Variants in SYTL5 observed in about 807,000 individuals in gnomAD.
The protein encoded by SYTL5 is synaptotagmin-like protein 5.
Under a neutral mutation model 55.9 loss-of-function variants are expected in SYTL5, and 34 were observed. The ratio of observed to expected loss-of-function variants is 0.61; its 90% CI spans 0.46 to 0.81. The LOEUF (loss-of-function observed/expected upper bound fraction) is 0.81. Ranked by LOEUF, SYTL5 falls within the 30% of genes least tolerant of loss-of-function variation. SYTL5 has a pLI of 0.00. For missense variants in SYTL5, 637 were observed against 546.7 expected, an observed-to-expected ratio of 1.17 and a Z score of -1.65; for synonymous variants, 221 against 188.7, an observed-to-expected ratio of 1.17 and a Z score of -1.40.
intron 11 of SYTL5, among the ~76,000 whole-genome samples, chrX:38,108,096 A>G (rs1255904806): frequency 9.0e-6 from 1 of 111,395 alleles, no homozygotes; most frequent in Non-Finnish European, 1.9e-5. Flanking sequence ...CATTGACCCC[A>G]CTCTCTGACA....
chrX:37,897,477 C>A, the SYTL5 span, among the ~76,000 whole-genome samples: 1 of 85,858 alleles, frequency 1.2e-5, no homozygotes, highest in African/African-American at 5.0e-5. Context: ...AGCCAGACTC[C>A]ATCTCAAAAA....
At chrX:38,005,646 G>C (rs1933969583), upstream of SYTL5, among the ~76,000 whole-genome samples, 1 of 110,835 alleles carries the variant, frequency 9.0e-6, no homozygotes, top group Admixed American at 9.7e-5. Flanking sequence ...TGAGCTTGAA[G>C]ACAGATCAAA....
the SYTL5 span, among the ~76,000 whole-genome samples, chrX:37,913,893 C>T: frequency 7.1e-5 from 8 of 111,917 alleles, no homozygotes; most frequent in African/African-American, 2.6e-4. Flanking sequence ...GTATCACTTC[C>T]CCAAACAAAC....
chrX:38,106,994 A>G (rs1359058498), intron 11 of SYTL5, among the ~76,000 whole-genome samples: 1 of 112,745 alleles, frequency 8.9e-6, no homozygotes, highest in African/African-American at 3.2e-5. Context: ...CAGGATTGAC[A>G]TATTTGCAAT....
At chrX:37,996,938 G>A in the SYTL5 span, among the ~76,000 whole-genome samples, 1 of 112,501 alleles carries the variant, frequency 8.9e-6, no homozygotes, top group African/African-American at 3.2e-5. Flanking sequence ...AATCTGGACA[G>A]CAGATGAGAT....
At chrX:37,901,344 G>A in the SYTL5 span, among the ~76,000 whole-genome samples, 3 of 111,739 alleles carry the variant, frequency 2.7e-5, no homozygotes, top group African/African-American at 9.7e-5. Context: ...TTGATGCAGC[G>A]TTGTCATTAA....
At chrX:38,016,547 C>T (rs912291675) in intron 1 of SYTL5, among the ~76,000 whole-genome samples, 1 of 111,843 alleles carries the variant, frequency 8.9e-6, no homozygotes, top group African/African-American at 3.3e-5. Flanking sequence ...ATACATCTCC[C>T]TAGAGCTTCA....
the SYTL5 span, among the ~76,000 whole-genome samples, chrX:37,889,461 G>T: frequency 9.0e-6 from 1 of 111,482 alleles, no homozygotes; most frequent in Non-Finnish European, 1.9e-5. Context: ...AAAAATAAAA[G>T]CTGACTATTT....
rs759386364 is a variant in SYTL5, at chrX:38,072,053, A to G, written c.336A>G (p.Leu112=). Reference sequence around the variant, plus strand: ...TCCCTTTTCCCTTGAGTAGGCAGCTAAGGATTATAACTGGTGAGTGGTTTT... The same window carrying G: ...TCCCTTTTCCCTTGAGTAGGCAGCTGAGGATTATAACTGGTGAGTGGTTTT... ...KCTVCDKIAQ[L]RIITGEWFFE... Residue 112 remains leucine (L), a synonymous_variant, in exon 4 of 17, where the codon CTA becomes CTG. Transcript: ENST00000297875. The G allele has an allele frequency of 1.2e-5, 14 of 1,201,756 alleles. No individual in the cohort carries two copies. Among genetic ancestry groups the G allele is most frequent in the Non-Finnish European group, 1.1e-5 (10 of 887,086 alleles).
intron 7 of SYTL5, among the ~76,000 whole-genome samples, chrX:38,094,039 A>G (rs1936861728): frequency 9.0e-6 from 1 of 111,076 alleles, no homozygotes; most frequent in Non-Finnish European, 1.9e-5. Flanking sequence ...ACACTCATTG[A>G]TTTGGGGAAT....
chrX:38,072,647 G>A (rs1936297704), intron 4 of SYTL5, among the ~76,000 whole-genome samples: 2 of 111,694 alleles, frequency 1.8e-5, no homozygotes, highest in South Asian at 7.5e-4. Context: ...AAAGGCAAGG[G>A]GGGCATTTCT....
chrX:37,959,224 C>T, the SYTL5 span, among the ~76,000 whole-genome samples: 1 of 111,602 alleles, frequency 9.0e-6, no homozygotes, highest in Admixed American at 9.5e-5. Context: ...GGGATCTGCC[C>T]GCAGACCCTG....
chrX:37,984,136 A>G, the SYTL5 span, among the ~76,000 whole-genome samples: 8 of 111,477 alleles, frequency 7.2e-5, no homozygotes, highest in Non-Finnish European at 1.9e-5. Flanking sequence ...AGGAAATAAT[A>G]CAGACCGGAG....
chrX:37,960,501 C>T, the SYTL5 span, among the ~76,000 whole-genome samples: 1 of 111,935 alleles, frequency 8.9e-6, no homozygotes, highest in South Asian at 3.7e-4. Flanking sequence ...CAACCATGAA[C>T]ATAGTTCAGC....
At chrX:37,923,403 G>C in the SYTL5 span, among the ~76,000 whole-genome samples, 1 of 111,029 alleles carries the variant, frequency 9.0e-6, no homozygotes, top group Non-Finnish European at 1.9e-5. Context: ...AAGAAGTACT[G>C]TTTCATTTAT....
chrX:38,099,469 G>A (rs980238969), intron 9 of SYTL5, among the ~76,000 whole-genome samples: 10 of 110,973 alleles, frequency 9.0e-5, no homozygotes, highest in African/African-American at 2.3e-4. Context: ...TATTAGTTTC[G>A]GCAGCTTTTT....
intron 10 of SYTL5, chrX:38,102,914 G>A: frequency 1.9e-6 from 1 of 513,164 alleles, no homozygotes; most frequent in Non-Finnish European, 3.2e-6. Flanking sequence ...TTTTTTGAGA[G>A]GAAGGCCCTG....
chrX:38,015,696 A>G (rs995346845), intron 1 of SYTL5, among the ~76,000 whole-genome samples: 1 of 110,536 alleles, frequency 9.0e-6, no homozygotes, highest in Non-Finnish European at 1.9e-5. Context: ...TTTGAAGTGT[A>G]CAATTCAATG....
At chrX:38,113,036 A>G (rs1417530244) in intron 13 of SYTL5, among the ~76,000 whole-genome samples, 1 of 112,176 alleles carries the variant, frequency 8.9e-6, no homozygotes, top group African/African-American at 3.2e-5. Context: ...TATTGACTCT[A>G]TTAGTGAAGG....
Sources: allele counts gnomAD v4.1 joint callset (sites outside exome capture counted in the v4.1 genomes callset), GRCh38; gene constraint gnomAD v4.1.1; transcripts MANE v1.5; gene names NCBI Gene and HGNC (gene_info 2026-07-23, HGNC 2026-07-21).